RND2: variants seen among roughly 807,000 people sequenced by gnomAD.
RND2 encodes the protein Rho family GTPase 2.
Under a neutral mutation model 25.9 loss-of-function variants are expected in RND2, and 16 were observed. The ratio of observed to expected loss-of-function variants is 0.62; its 90% CI spans 0.42 to 0.94. RND2 has a LOEUF of 0.94. Ranked by LOEUF, RND2 falls within the 40% of genes least tolerant of loss-of-function variation. The pLI, the probability that RND2 is intolerant of heterozygous loss-of-function variation, is 0.00. For synonymous variants in RND2, 97 were observed against 118.1 expected, an observed-to-expected ratio of 0.82 and a Z score of 1.16; for missense variants, 276 against 305.5, an observed-to-expected ratio of 0.90 and a Z score of 0.72.
rs1435477188 is a variant in RND2 at position 43,028,442 on chromosome 17, T to C, written c.446T>C (p.Leu149Pro). 3.1e-6 allele frequency: 5 copies of C among 1,613,856 alleles called. No homozygotes were observed. The highest frequency in any genetic ancestry group is 3.4e-6 in the Non-Finnish European group (4 of 1,179,820). The part of the protein sequence containing the change: ...IPVTHEQGTV[L>P]AKQVGAVSYV... ...TCCTTCCTTTTCCAGGGCACTGTGC[T>C]GGCCAAGCAGGTGGGGGCTGTGTCC... Residue 149 changes from leucine to proline, a missense_variant, in exon 5 of 5, where the codon CTG becomes CCG. Physicochemically the swap from Leu to Pro is moderately conservative, Grantham distance 98. Transcript: ENST00000587250.
rs1567750624 is a variant in RND2, at chr17:43,028,676, T to C, written c.680T>C (p.Met227Thr). The C allele has an allele frequency of 6.4e-7, 1 of 1,569,228 alleles. No homozygotes were observed. Among genetic ancestry groups the C allele is most frequent in the Non-Finnish European group, 8.6e-7 (1 of 1,157,046 alleles). The change falls in exon 5 of 5, where the codon ATG becomes ACG. Residue 227 changes from methionine to threonine, a missense_variant. Coordinates refer to ENST00000587250, the MANE Select transcript of RND2 (RefSeq NM_005440.5). ...HKDRAKSCNL[M>T] ...GATCGAGCCAAAAGCTGCAACCTCA[T>C]GTGAGGGGCTAGGAGAGGGCAGAGT...
Position 43,027,188 on chromosome 17 carries a change from TCTTA to T in RND2, c.199_202del (p.Tyr67MetfsTer63). The T allele has an allele frequency of 6.2e-7, 1 of 1,602,396 alleles. No individual in the cohort carries two copies. Among genetic ancestry groups the T allele is most frequent in the Non-Finnish European group, 8.5e-7 (1 of 1,173,716 alleles). On this transcript the variant is annotated frameshift_variant, in exon 3 of 5. Transcript: ENST00000587250. LOFTEE classifies it high-confidence loss of function. ...CATGCCCTGTCTTCCTTCAGGTTCC[TCTTA>T]CTATGATAATGTCCGGCCTCTGGCC...
intron 2 of RND2, among the ~76,000 whole-genome samples, chr17:43,026,506 T>C (rs1056315672): frequency 1.3e-5 from 2 of 151,858 alleles, no homozygotes; most frequent in African/African-American, 4.8e-5. Context: ...CAAAAATTAA[T>C]CGGGCGTGTG....
Position 43,028,427 on chromosome 17 carries a change from T to C in RND2, c.436-5T>C. ...CTTTCTCCCATGCACTCCTTCCTTT[T>C]CCAGGGCACTGTGCTGGCCAAGCAG... On this transcript the variant is annotated splice_region_variant and splice_polypyrimidine_tract_variant and intron_variant, in intron 4 of 4. Transcript: ENST00000587250. The C allele has an allele frequency of 7.4e-6, 12 of 1,611,922 alleles. No individual in the cohort carries two copies. The highest frequency in any genetic ancestry group is 1.0e-5 in the Non-Finnish European group (12 of 1,178,128).
rs1473245128 is a variant in RND2 at position 43,028,055 on chromosome 17, A to G, written c.301-6A>G. Reference sequence around the variant, plus strand: ...CTCCACAATTCTCTTTTCTTCTCCTACATAGTGGCAAGGAGAGACTCAAGA... The same window carrying G: ...CTCCACAATTCTCTTTTCTTCTCCTGCATAGTGGCAAGGAGAGACTCAAGA... On this transcript the variant is annotated splice_polypyrimidine_tract_variant and splice_region_variant and intron_variant, in intron 3 of 4. Coordinates refer to ENST00000587250, the MANE Select transcript of RND2 (RefSeq NM_005440.5). The G allele has an allele frequency of 5.0e-6, 8 of 1,612,514 alleles. No homozygotes were observed. The highest frequency in any genetic ancestry group is 6.8e-6 in the Non-Finnish European group (8 of 1,179,334).
In RND2 at chr17:43,028,152, G is replaced by A. The variant is rs144484581; in HGVS notation, c.392G>A (p.Arg131Lys). The A allele has an allele frequency of 3.6e-5, 58 of 1,614,070 alleles. No homozygotes were observed. Among genetic ancestry groups the A allele is most frequent in the African/African-American group, 8.0e-5 (6 of 74,912 alleles). The change falls in exon 4 of 5, where the codon AGG becomes AAG. Residue 131 changes from arginine to lysine, a missense_variant. Physicochemically the swap from Arg to Lys is conservative, Grantham distance 26. Coordinates refer to ENST00000587250, the MANE Select transcript of RND2 (RefSeq NM_005440.5). Reference protein sequence around the residue: ...LDMRTDLATLRELSKQRLIPV... With the variant: ...LDMRTDLATLKELSKQRLIPV... ...ATGCGGACTGACCTGGCCACACTGA[G>A]GGAGCTGTCCAAGCAGAGGCTTATC...
chr17:43,025,251 T>G lies in RND2; in HGVS notation c.-97T>G. 11 of 1,003,340 alleles carry G rather than the reference T, an allele frequency of 1.1e-5. No individual in the cohort carries two copies. Among genetic ancestry groups the G allele is most frequent in the Middle Eastern group, 3.7e-4 (1 of 2,672 alleles). 62.2% of individuals were successfully genotyped at this position (1,003,340 alleles called of 1,614,324 possible). On this transcript the variant is annotated 5_prime_UTR_variant, in exon 1 of 5. Coordinates refer to ENST00000587250, the MANE Select transcript of RND2 (RefSeq NM_005440.5). Reference sequence around the variant, plus strand: ...TCGGCGCGGGCCCGCGAGATGCCGGTGTTGGCGGCCCGAGCGGCTGCAGTT... The same window carrying G: ...TCGGCGCGGGCCCGCGAGATGCCGGGGTTGGCGGCCCGAGCGGCTGCAGTT...
At chr17:43,025,476 G>A in intron 1 of RND2, 27 bp downstream of exon 1, 2 of 1,511,336 alleles carry the variant, frequency 1.3e-6, no homozygotes, top group Non-Finnish European at 1.8e-6. Flanking sequence ...TTGGGAGGGG[G>A]ACGCTAAGGC....
Position 43,028,461 on chromosome 17 carries a change from T to C in RND2, c.465T>C (p.Ala155=), listed in dbSNP as rs2050642420. The C allele has an allele frequency of 1.2e-6, 2 of 1,614,218 alleles. No individual in the cohort carries two copies. Reference sequence around the variant, plus strand: ...CTGTGCTGGCCAAGCAGGTGGGGGCTGTGTCCTATGTTGAGTGCTCCTCCC... The same window carrying C: ...CTGTGCTGGCCAAGCAGGTGGGGGCCGTGTCCTATGTTGAGTGCTCCTCCC... The part of the protein sequence containing the change: ...QGTVLAKQVG[A]VSYVECSSRS... Residue 155 remains alanine, a synonymous_variant, in exon 5 of 5, where the codon GCT becomes GCC. Transcript: ENST00000587250.
chr17:43,030,507 G>A lies in RND2; in HGVS notation c.*1827G>A, dbSNP rs182568891. 2.0e-5 allele frequency: 3 copies of A among 152,704 alleles called. No individual in the cohort carries two copies. The highest frequency in any genetic ancestry group is 2.0e-4 in the Admixed American group (3 of 15,278). The allele number at this position is 152,704 out of a possible 1,614,324, so 9.5% of individuals were successfully genotyped here. ...GGAGGCCAGCCCAGTGTGGAAGAGA[G>A]GTACCTCAGGTGTGAGGGTGCCATG... On this transcript the variant is annotated 3_prime_UTR_variant, in exon 5 of 5. Coordinates refer to ENST00000587250, the MANE Select transcript of RND2 (RefSeq NM_005440.5).
chr17:43,027,354 A>C, intron 3 of RND2, 62 bp downstream of exon 3: 1 of 1,140,510 alleles, frequency 8.8e-7, no homozygotes, highest in East Asian at 2.4e-5. Flanking sequence ...TGGTCCTGAC[A>C]TAACATGGGC....
At position 43,026,479 on chromosome 17, in the gene RND2, C is replaced by T. The variant is rs188991453; in HGVS notation, c.190+432C>T. 3.5e-4 allele frequency among the ~76,000 whole-genome samples: 53 copies of T among 152,154 alleles called. 1 individual carries two copies. The highest frequency in any genetic ancestry group is 1.1e-3 in the African/African-American group (46 of 41,504). On this transcript the variant is annotated intron_variant, in intron 2 of 4. Coordinates refer to ENST00000587250, the MANE Select transcript of RND2 (RefSeq NM_005440.5). ...AGCCTGGCCAACATGGTTGAAACTCCGTCTCTACTAAAAATACAAAAATTA... is the reference window on the plus strand; with the variant it reads ...AGCCTGGCCAACATGGTTGAAACTCTGTCTCTACTAAAAATACAAAAATTA...
rs757815246 is a variant in RND2 at position 43,028,893 on chromosome 17, C to T, written c.*213C>T. ...CTCCAGTGGATGTTGAGGGAGCTAA[C>T]AGGGCTGGCATCTGGGGCATGAACT... On this transcript the variant is annotated 3_prime_UTR_variant, in exon 5 of 5. Coordinates refer to ENST00000587250, the MANE Select transcript of RND2 (RefSeq NM_005440.5). The T allele has an allele frequency of 1.2e-5, 8 of 692,272 alleles. No homozygotes were observed. The highest frequency in any genetic ancestry group is 1.9e-5 in the Non-Finnish European group (8 of 431,196). The allele number at this position is 692,272 out of a possible 1,614,324, so 42.9% of individuals were successfully genotyped here. A position where few individuals can be genotyped will look rare whatever the true frequency, so the allele number is the denominator to read the frequency against.
chr17:43,028,567 C>G lies in RND2; in HGVS notation c.571C>G (p.Arg191Gly), dbSNP rs753732943. 6.2e-7 allele frequency: 1 copy of G among 1,614,144 alleles called. No individual in the cohort carries two copies. The highest frequency in any genetic ancestry group is 1.3e-5 in the African/African-American group (1 of 75,054). Residue 191 changes from arginine to glycine, a missense_variant, in exon 5 of 5, where the codon CGA (arginine) becomes GGA (glycine). Arg to Gly is a moderately radical substitution (Grantham distance 125, BLOSUM62 -2). Transcript: ENST00000587250. Reference protein sequence around the residue: ...SLGRGHRQLRRTDSRRGMQRS... With the variant: ...SLGRGHRQLRGTDSRRGMQRS... ...TGGCCGTGGCCATAGGCAGCTGCGC[C>G]GAACTGACTCACGCCGGGGAATGCA...
chr17:43,028,298 G>A, intron 4 of RND2, 103 bp downstream of exon 4: 3 of 1,588,784 alleles, frequency 1.9e-6, no homozygotes, highest in Non-Finnish European at 2.6e-6. Context: ...CTTTGTTCTG[G>A]TCTGTGACCT....
At position 43,028,693 on chromosome 17, in the gene RND2, G is replaced by C; in HGVS notation, c.*13G>C. The C allele has an allele frequency of 6.5e-7, 1 of 1,548,902 alleles. No individual in the cohort carries two copies. The highest frequency in any genetic ancestry group is 8.7e-7 in the Non-Finnish European group (1 of 1,145,462). ...CAACCTCATGTGAGGGGCTAGGAGA[G>C]GGCAGAGTGTGAAGAGGGGTGGTGA... On this transcript the variant is annotated 3_prime_UTR_variant, in exon 5 of 5. Transcript: ENST00000587250.
chr17:43,025,432 A>C lies in RND2; in HGVS notation c.85A>C (p.Lys29Gln). Residue 29 changes from lysine to glutamine, a missense_variant, in exon 1 of 5, where the codon AAG becomes CAG. Lys to Gln is a moderately conservative substitution (Grantham distance 53). Coordinates refer to ENST00000587250, the MANE Select transcript of RND2 (RefSeq NM_005440.5). ...GKTALLQVFAKDAYPGSYVPT... is the reference protein window; with the variant it reads ...GKTALLQVFAQDAYPGSYVPT... ...GACGGCGCTGCTGCAGGTGTTCGCC[A>C]AGGACGCCTATCCCGGGGTGAGGGA... is the stretch of plus-strand genomic sequence containing the variant. The C allele has an allele frequency of 1.7e-5, 26 of 1,547,294 alleles. No individual in the cohort carries two copies. The highest frequency in any genetic ancestry group is 2.3e-5 in the Non-Finnish European group (26 of 1,145,364).
At position 43,030,705 on chromosome 17, in the gene RND2, T is replaced by C. The variant is rs2050666088; in HGVS notation, c.*2025T>C. On this transcript the variant is annotated 3_prime_UTR_variant, in exon 5 of 5. Coordinates refer to ENST00000587250, the MANE Select transcript of RND2 (RefSeq NM_005440.5). ...ATGTGTAAACACGTGGAGATGAGAATGAGCATAGCACTGTTGGGGCTCCCA... is the reference window on the plus strand; with the variant it reads ...ATGTGTAAACACGTGGAGATGAGAACGAGCATAGCACTGTTGGGGCTCCCA... 6.6e-6 allele frequency: 1 copy of C among 152,180 alleles called. No homozygotes were observed. Among genetic ancestry groups the C allele is most frequent in the Non-Finnish European group, 1.5e-5 (1 of 68,112 alleles). 9.4% of individuals were successfully genotyped at this position (152,180 alleles called of 1,614,324 possible).
At chr17:43,027,934 G>T in intron 3 of RND2, 127 bp from the exon 4 acceptor site, 1 of 1,098,000 alleles carries the variant, frequency 9.1e-7, no homozygotes, top group East Asian at 2.6e-5. Flanking sequence ...CCTCATGTGG[G>T]AGAGTCCTGA....
Sources: gnomAD v4.1 joint callset for allele counts (sites outside exome capture counted in the v4.1 genomes callset) on GRCh38, gnomAD v4.1.1 for gene constraint, MANE v1.5 for transcripts, NCBI Gene and HGNC (gene_info 2026-07-23, HGNC 2026-07-21) for gene names.